The following NPAS2 variants were observed in gnomAD, a reference collection of about 807,000 sequenced individuals.
NPAS2 encodes neuronal PAS domain-containing protein 2.
A neutral mutation model predicts 107.5 loss-of-function variants in NPAS2; 23 were observed. The observed-to-expected ratio is 0.21, with a 90% CI of 0.15 to 0.30. The LOEUF is 0.30. Among genes scored for constraint, NPAS2 ranks in the 10% least tolerant of loss-of-function variants. The probability of loss-of-function intolerance (pLI) is 1.00; values close to 1 mark genes in which losing one functional copy is unlikely to be tolerated. For missense variants in NPAS2, 756 were observed against 1,043.3 expected (o/e 0.72, Z 3.79); for synonymous variants, 403 against 417.5 (o/e 0.97, Z 0.42).
intron 4 of NPAS2, chr2:100,934,811 C>T: frequency 3.0e-6 from 3 of 985,432 alleles, no homozygotes; most frequent in Non-Finnish European, 3.6e-6. Context: ...TGCAACCTTC[C>T]CATAGCATGG....
At chr2:100,859,863 A>G (rs771115326) in intron 1 of NPAS2, among the ~76,000 whole-genome samples, 4 of 152,224 alleles carry the variant, frequency 2.6e-5, no homozygotes, top group African/African-American at 7.2e-5. Flanking sequence ...GCCTTTGCTA[A>G]GAATGTTAAC....
At position 100,820,585 on chromosome 2, in the gene NPAS2, G is replaced by A. The variant is rs1676015600; in HGVS notation, c.-23+171G>A. 6.6e-6 allele frequency among the ~76,000 whole-genome samples: 1 copy of A among 152,056 alleles called. No homozygotes were observed. The highest frequency in any genetic ancestry group is 2.4e-5 in the African/African-American group (1 of 41,452). On this transcript the variant is annotated intron_variant, in intron 1 of 20. Coordinates refer to ENST00000335681, the MANE Select transcript of NPAS2 (RefSeq NM_002518.4). The surrounding 1 kb of genome is among the most constrained non-coding windows in gnomAD (Gnocchi z 5.6). ...ACCCCGGACGCGGGGGCGCGGAGAGGTGGGTTCCCCTCCACAGTCAGGCCG... is the reference window on the plus strand; with the variant it reads ...ACCCCGGACGCGGGGGCGCGGAGAGATGGGTTCCCCTCCACAGTCAGGCCG...
At chr2:100,975,395 C>G in intron 13 of NPAS2, 63 bp from the exon 14 acceptor site, 3 of 1,429,716 alleles carry the variant, frequency 2.1e-6, no homozygotes, top group South Asian at 2.5e-5. Context: ...CATGGGTCCC[C>G]TCTTCGGATG....
At chr2:100,895,782 G>A (rs1258323500) in intron 1 of NPAS2, among the ~76,000 whole-genome samples, 1 of 152,080 alleles carries the variant, frequency 6.6e-6, no homozygotes, top group African/African-American at 2.4e-5. Flanking sequence ...GCAGACTCAG[G>A]CTTCAGCTGG....
chr2:100,935,622 T>C (rs1454202250), intron 4 of NPAS2, among the ~76,000 whole-genome samples: 1 of 152,180 alleles, frequency 6.6e-6, no homozygotes, highest in African/African-American at 2.4e-5. Context: ...AACACCCGCT[T>C]GCTTTAGACA....
chr2:100,949,838 G>A (rs566961983), intron 7 of NPAS2, among the ~76,000 whole-genome samples: 1 of 152,186 alleles, frequency 6.6e-6, no homozygotes, highest in Non-Finnish European at 1.5e-5. Context: ...CCATAACCTT[G>A]CCTTCCACAC....
intron 2 of NPAS2, among the ~76,000 whole-genome samples, chr2:100,913,855 G>A (rs890932084): frequency 6.6e-6 from 1 of 152,190 alleles, no homozygotes; most frequent in Non-Finnish European, 1.5e-5. Context: ...TCATTCACCT[G>A]CATGCTCAAA....
At chr2:100,979,503 T>TATATATATATATATATATATATA (rs1491089539) in intron 15 of NPAS2, among the ~76,000 whole-genome samples, 1 of 39,594 alleles carries the variant, frequency 2.5e-5, no homozygotes, top group African/African-American at 1.2e-4. Context: ...TATATATATA[T>TATATATATATATATATATATATA]TTTTTTTTTT....
chr2:100,909,772 C>T (rs1682423867), intron 2 of NPAS2, among the ~76,000 whole-genome samples: 1 of 151,468 alleles, frequency 6.6e-6, no homozygotes, highest in African/African-American at 2.4e-5. Context: ...CAGCAGCAGG[C>T]ATTGTGAGAA....
Position 100,965,637 on chromosome 2 carries a change from A to T in NPAS2, c.801-23A>T. ...TGCAGGGTGTCTCCTCCCTGATGAC[A>T]AGTCCTCCTTGTCCTTGTGCAGAGC... On this transcript the variant is annotated intron_variant, in intron 9 of 20. Transcript: ENST00000335681. The surrounding 1 kb of genome is among the most constrained non-coding windows in gnomAD (Gnocchi z 4.3). 6.4e-7 allele frequency: 1 copy of T among 1,560,100 alleles called. No individual in the cohort carries two copies. Among genetic ancestry groups the T allele is most frequent in the Non-Finnish European group, 8.8e-7 (1 of 1,132,070 alleles).
intron 1 of NPAS2, among the ~76,000 whole-genome samples, chr2:100,865,393 G>T (rs866270102): frequency 1.1e-4 from 16 of 152,078 alleles, no homozygotes; most frequent in South Asian, 8.3e-4. Flanking sequence ...CTGTCTGCTT[G>T]TGTGGAGCTG....
chr2:100,974,893 T>A lies in NPAS2; in HGVS notation c.1231T>A (p.Ser411Thr). 3.1e-6 allele frequency: 5 copies of A among 1,614,024 alleles called. No homozygotes were observed. The highest frequency in any genetic ancestry group is 4.2e-6 in the Non-Finnish European group (5 of 1,179,960). ...GLNTSHSPSA[S>T]SRSSHKSSHT... ...TAATACCAGTCATTCGCCATCGGCGTCCTCAAGAAGTTCCCACAAATCCTC... is the reference window on the plus strand; with the variant it reads ...TAATACCAGTCATTCGCCATCGGCGACCTCAAGAAGTTCCCACAAATCCTC... The change falls in exon 13 of 21, where the codon TCC becomes ACC. Residue 411 changes from serine (S) to threonine (T), a missense_variant. Ser to Thr is a moderately conservative substitution (Grantham distance 58). This residue lies in a region of NPAS2 where 496 missense variants were observed against 594.4 expected (regional missense o/e 0.83). Transcript: ENST00000335681.
At chr2:100,956,860 T>C (rs1675600706) in intron 7 of NPAS2, among the ~76,000 whole-genome samples, 2 of 152,268 alleles carry the variant, frequency 1.3e-5, no homozygotes, top group South Asian at 4.1e-4. Context: ...GCTGAGTTCG[T>C]AGGAATTTGA....
intron 17 of NPAS2, chr2:100,988,574 T>C (rs1677907194): frequency 2.5e-6 from 1 of 403,280 alleles, no homozygotes; most frequent in Non-Finnish European, 4.6e-6. Context: ...GACTTAGGGT[T>C]GGAGGCAGAT....
At position 100,990,852 on chromosome 2, in the gene NPAS2, C is replaced by T. The variant is rs764475020; in HGVS notation, c.2091C>T (p.Ser697=). 16 of 1,613,988 alleles carry T rather than the reference C, an allele frequency of 9.9e-6. No individual in the cohort carries two copies. The highest frequency in any genetic ancestry group is 6.7e-5 in the East Asian group (3 of 44,880). Residue 697 remains serine, a synonymous_variant, in exon 19 of 21, where the codon AGC becomes AGT. Coordinates refer to ENST00000335681, the MANE Select transcript of NPAS2 (RefSeq NM_002518.4). ...SCDARQPSEV[S]RTGRQVKYAQ... is the part of the protein sequence containing the mutation. ...ACGCAAGGCAGCCCTCGGAAGTCAG[C>T]AGGACGGGACGGCAAGTCAAGTACG...
intron 16 of NPAS2, chr2:100,986,050 A>G (rs1222585532): frequency 9.2e-5 from 14 of 152,222 alleles, no homozygotes; most frequent in Admixed American, 9.2e-4. Flanking sequence ...GCTATAAATG[A>G]GTCTTATTTT....
chr2:100,823,910 C>G (rs1676219539), intron 1 of NPAS2, among the ~76,000 whole-genome samples: 1 of 152,148 alleles, frequency 6.6e-6, no homozygotes, highest in Admixed American at 6.5e-5. Flanking sequence ...AGCCTTGTGA[C>G]TTGGCAAGAA....
intron 2 of NPAS2, among the ~76,000 whole-genome samples, chr2:100,913,953 G>C (rs149371404): frequency 4.6e-5 from 7 of 152,314 alleles, no homozygotes; most frequent in African/African-American, 7.2e-5. Flanking sequence ...AGAAGGACCT[G>C]ATCCCCATCC....
chr2:100,863,727 G>A (rs1004552380), intron 1 of NPAS2, among the ~76,000 whole-genome samples: 3 of 151,984 alleles, frequency 2.0e-5, no homozygotes, highest in Non-Finnish European at 4.4e-5. Context: ...GTTTTTTTGT[G>A]CAAATATTTT....
Sources: allele counts gnomAD v4.1 joint callset (sites outside exome capture counted in the v4.1 genomes callset), GRCh38; gene constraint gnomAD v4.1.1; regional missense constraint gnomAD v4.1.1; non-coding constraint Gnocchi (gnomAD v3.1); transcripts MANE v1.5; gene names NCBI Gene and HGNC (gene_info 2026-07-23, HGNC 2026-07-21).